HHIP: variants seen among roughly 807,000 people sequenced by gnomAD.
HHIP encodes the protein hedgehog interacting protein, also known as hedgehog-interacting protein.
In HHIP, 12 loss-of-function variants were observed where a neutral mutation model predicts 74.0. That is an observed-to-expected ratio of 0.16 (90% CI 0.10 to 0.26). HHIP has a LOEUF of 0.26. Among genes scored for constraint, HHIP ranks in the 10% least tolerant of loss-of-function variants. HHIP has a pLI of 1.00. For synonymous variants in HHIP, 309 were observed against 311.6 expected (o/e 0.99, Z 0.09); for missense variants, 788 against 845.0 (o/e 0.93, Z 0.84).
At chr4:144,689,098 T>C (rs1729574681) in intron 4 of HHIP, among the ~76,000 whole-genome samples, 1 of 152,220 alleles carries the variant, frequency 6.6e-6, no homozygotes, top group Admixed American at 6.5e-5. Context: ...TTTCAATCTA[T>C]AGCAATTAAA....
chr4:144,652,125 C>A (rs1728442690), intron 1 of HHIP, among the ~76,000 whole-genome samples: 1 of 151,826 alleles, frequency 6.6e-6, no homozygotes, highest in African/African-American at 2.4e-5. Context: ...AAAATGTAAC[C>A]CAAGTATATT....
Position 144,738,068 on chromosome 4 carries a change from T to C in HHIP, c.*111T>C. 7.2e-7 allele frequency: 1 copy of C among 1,381,972 alleles called. No homozygotes were observed. The highest frequency in any genetic ancestry group is 9.4e-7 in the Non-Finnish European group (1 of 1,069,246). 85.6% of individuals were successfully genotyped at this position (1,381,972 alleles called of 1,614,324 possible). On this transcript the variant is annotated 3_prime_UTR_variant, in exon 13 of 13. Coordinates refer to ENST00000296575, the MANE Select transcript of HHIP (RefSeq NM_022475.3). ...ACACTCCTGTGATTTCATTCTCTTT[T>C]ATTAATTTAAAAATAATTTCCAGAA... is the stretch of plus-strand genomic sequence containing the variant.
rs530276619 is a variant in HHIP at position 144,670,872 on chromosome 4, G to A, written c.831+11034G>A. Among the ~76,000 whole-genome samples the A allele has an allele frequency of 3.9e-5, 6 of 151,906 alleles. No individual in the cohort carries two copies. In the South Asian group the frequency reaches 1.3e-3, roughly 32 times the overall value. The stretch of plus-strand genomic sequence containing the variant: ...AATTCTTAGGCTTTCTAGGAAAGCT[G>A]TGGTGATGAGGCTTCCGTAAGTGCA... On this transcript the variant is annotated intron_variant, in intron 4 of 12. Transcript: ENST00000296575.
At chr4:144,655,533 T>C (rs139243667) in intron 2 of HHIP, among the ~76,000 whole-genome samples, 38 of 152,292 alleles carry the variant, frequency 2.5e-4, no homozygotes, top group Non-Finnish European at 3.2e-4. Context: ...ATTAGTTCAA[T>C]TGGTATAATC....
At chr4:144,693,183 T>C (rs6850355) in intron 4 of HHIP, among the ~76,000 whole-genome samples, 1,626 of 152,120 alleles carry the variant, frequency 0.011, 28 homozygotes, top group African/African-American at 0.038. Flanking sequence ...CAGGAACTAA[T>C]CTCTGCATAG....
chr4:144,655,960 G>T (rs531383495), intron 2 of HHIP, among the ~76,000 whole-genome samples: 5 of 152,164 alleles, frequency 3.3e-5, no homozygotes, highest in Admixed American at 3.3e-4. Context: ...GTTGATAAAT[G>T]ATCAGAACTT....
rs529503122 is a variant in HHIP at position 144,652,476 on chromosome 4, T to C, written c.280-129T>C. 2.2e-5 allele frequency: 14 copies of C among 630,226 alleles called. No homozygotes were observed. In the African/African-American group the frequency reaches 2.6e-4, roughly 12 times the overall value. 39.0% of individuals were successfully genotyped at this position (630,226 alleles called of 1,614,324 possible). A position where few individuals can be genotyped will look rare whatever the true frequency, so the allele number is the denominator to read the frequency against. On this transcript the variant is annotated intron_variant, in intron 1 of 12. Coordinates refer to ENST00000296575, the MANE Select transcript of HHIP (RefSeq NM_022475.3). ...AAAGGCATTCTGTATTGTGACACAG[T>C]AATTCTTTTCAAAAAACTTCATTGG...
At chr4:144,722,626 G>A (rs1730669071) in intron 11 of HHIP, among the ~76,000 whole-genome samples, 1 of 152,164 alleles carries the variant, frequency 6.6e-6, no homozygotes, top group Non-Finnish European at 1.5e-5. Context: ...GCCGAGATGG[G>A]AGGATCACTT....
intron 4 of HHIP, among the ~76,000 whole-genome samples, chr4:144,663,217 C>T (rs1728761182): frequency 6.6e-6 from 1 of 152,066 alleles, no homozygotes; most frequent in Non-Finnish European, 1.5e-5. Context: ...TGAACTGAAC[C>T]TGGGAGGCGG....
chr4:144,693,340 C>A (rs1258880768), intron 4 of HHIP, among the ~76,000 whole-genome samples: 1 of 152,022 alleles, frequency 6.6e-6, no homozygotes, highest in African/African-American at 2.4e-5. Context: ...AACACAGTCT[C>A]AAGCAATTTT....
At chr4:144,734,981 A>G in intron 12 of HHIP, 92 bp downstream of exon 12, 2 of 1,242,246 alleles carry the variant, frequency 1.6e-6, no homozygotes, top group Admixed American at 4.2e-5. Flanking sequence ...TTCTACAATA[A>G]TATAGTGTTC....
At chr4:144,707,391 T>A in intron 6 of HHIP, 131 bp downstream of exon 6, 1 of 678,048 alleles carries the variant, frequency 1.5e-6, no homozygotes, top group Non-Finnish European at 2.5e-6. Context: ...ACTTTTGTCA[T>A]CAGTGTCTGC....
chr4:144,677,316 C>G lies in HHIP; in HGVS notation c.831+17478C>G, dbSNP rs147174417. 3.9e-3 allele frequency among the ~76,000 whole-genome samples: 596 copies of G among 152,288 alleles called. 5 individuals are homozygous for G. The highest frequency in any genetic ancestry group is 0.013 in the African/African-American group (558 of 41,562). On this transcript the variant is annotated intron_variant, in intron 4 of 12. Coordinates refer to ENST00000296575, the MANE Select transcript of HHIP (RefSeq NM_022475.3). Reference sequence around the variant, plus strand: ...AATTCAGATGGGCTTCATCAAAAACCAAACAATTTTACTTTCCCCCGTGTT... The same window carrying G: ...AATTCAGATGGGCTTCATCAAAAACGAAACAATTTTACTTTCCCCCGTGTT...
At chr4:144,721,852 G>A (rs1415097851) in intron 11 of HHIP, among the ~76,000 whole-genome samples, 13 of 150,802 alleles carry the variant, frequency 8.6e-5, no homozygotes, top group African/African-American at 3.2e-4. Flanking sequence ...GCAGTGAATC[G>A]AGATTGTGCC....
At chr4:144,704,746 A>C (rs906682123) in intron 4 of HHIP, among the ~76,000 whole-genome samples, 2 of 152,342 alleles carry the variant, frequency 1.3e-5, no homozygotes, top group Middle Eastern at 6.8e-3. Context: ...TATTTGAGGG[A>C]GGAATTAATC....
rs746271511 is a variant in HHIP at position 144,646,630 on chromosome 4, TC to T, written c.-39del. 12 of 1,582,206 alleles carry T rather than the reference TC, an allele frequency of 7.6e-6. No homozygotes were observed. The highest frequency in any genetic ancestry group is 4.0e-5 in the African/African-American group (3 of 74,332). Reference sequence around the variant, plus strand: ...TAGTGCCCCTGCTGGGCAGTGGCGTTCCCCCCCATCCTCCCGCGCCCAGCCC... The same window carrying T: ...TAGTGCCCCTGCTGGGCAGTGGCGTTCCCCCCATCCTCCCGCGCCCAGCCC... On this transcript the variant is annotated 5_prime_UTR_variant, in exon 1 of 13. Coordinates refer to ENST00000296575, the MANE Select transcript of HHIP (RefSeq NM_022475.3).
chr4:144,678,741 G>A (rs1398631480), intron 4 of HHIP, among the ~76,000 whole-genome samples: 21 of 152,126 alleles, frequency 1.4e-4, no homozygotes, highest in Admixed American at 1.2e-3. Context: ...TTATGGCTAC[G>A]TAGTATTCCA....
At chr4:144,733,531 C>T (rs1731019792) in intron 11 of HHIP, among the ~76,000 whole-genome samples, 1 of 152,014 alleles carries the variant, frequency 6.6e-6, no homozygotes, top group Admixed American at 6.6e-5. Flanking sequence ...AACCTATCTC[C>T]AAAAAATTGA....
chr4:144,707,786 T>A (rs146777369), intron 6 of HHIP, among the ~76,000 whole-genome samples: 1 of 152,202 alleles, frequency 6.6e-6, no homozygotes, highest in Non-Finnish European at 1.5e-5. Context: ...ATTCCTTTAT[T>A]TATTCAGACA....
Sources: allele counts gnomAD v4.1 joint callset (sites outside exome capture counted in the v4.1 genomes callset), GRCh38; gene constraint gnomAD v4.1.1; transcripts MANE v1.5; gene names NCBI Gene and HGNC (gene_info 2026-07-23, HGNC 2026-07-21).